Variants in LYPD6B observed in about 807,000 individuals in gnomAD.
The protein encoded by LYPD6B is ly6/PLAUR domain-containing protein 6B.
In LYPD6B, 17 loss-of-function variants were observed where a neutral mutation model predicts 22.8. The ratio of observed to expected loss-of-function variants is 0.75; its 90% CI spans 0.51 to 1.12. The LOEUF (loss-of-function observed/expected upper bound fraction) is 1.12, where lower values mean the gene tolerates loss of function less well. Ranked by LOEUF, LYPD6B falls within the 50% of genes most tolerant of loss-of-function variation. The pLI is 0.00. For synonymous variants in LYPD6B, 106 were observed against 91.6 expected, an observed-to-expected ratio of 1.16 and a Z score of -0.90; for missense variants, 221 against 258.3, an observed-to-expected ratio of 0.86 and a Z score of 0.99.
At chr2:149,040,783 A>G (rs1683043742) in intron 1 of LYPD6B, among the ~76,000 whole-genome samples, 1 of 152,212 alleles carries the variant, frequency 6.6e-6, no homozygotes, top group Non-Finnish European at 1.5e-5. Flanking sequence ...AGACAGCCTG[A>G]GGGCCGTATT....
intron 3 of LYPD6B, chr2:149,200,854 C>G (rs1559074215): frequency 6.6e-6 from 1 of 152,174 alleles, no homozygotes; most frequent in Non-Finnish European, 1.5e-5. Flanking sequence ...AAATCCCTTC[C>G]TTCTGGCAAA....
At chr2:149,209,515 A>C (rs965641941) in intron 5 of LYPD6B, among the ~76,000 whole-genome samples, 2 of 152,184 alleles carry the variant, frequency 1.3e-5, no homozygotes, top group Non-Finnish European at 2.9e-5. Flanking sequence ...ATAAGAGGCC[A>C]AGAAAAAAAA....
intron 2 of LYPD6B, among the ~76,000 whole-genome samples, chr2:149,148,102 A>G (rs1444396661): frequency 2.0e-5 from 3 of 152,176 alleles, no homozygotes; most frequent in Non-Finnish European, 4.4e-5. Context: ...TCTCTATGCA[A>G]TATTCCAGTG....
chr2:149,167,854 C>T lies in LYPD6B; in HGVS notation c.77+7019C>T, dbSNP rs113117942. On this transcript the variant is annotated intron_variant, in intron 3 of 6. Coordinates refer to ENST00000409642, the MANE Select transcript of LYPD6B (RefSeq NM_177964.5). ...CTTTTTATATTTTTCTTTGCAGTGA[C>T]GATGATTGCTTAACAATAATAAACA... 2.6e-3 allele frequency among the ~76,000 whole-genome samples: 390 copies of T among 151,962 alleles called. 3 individuals are homozygous for T. The highest frequency in any genetic ancestry group is 8.9e-3 in the African/African-American group (370 of 41,424).
chr2:149,093,794 T>C (rs1685777989), intron 1 of LYPD6B, among the ~76,000 whole-genome samples: 2 of 152,250 alleles, frequency 1.3e-5, no homozygotes, highest in South Asian at 4.1e-4. Context: ...TATCTTTGAA[T>C]AATCTGATTT....
chr2:149,208,190 T>G (rs545572116), intron 4 of LYPD6B, 124 bp from the exon 5 acceptor site: 3 of 647,046 alleles, frequency 4.6e-6, no homozygotes, highest in East Asian at 5.3e-5. Flanking sequence ...GAAACAGTAA[T>G]TGTAAGGATG....
At chr2:149,187,565 G>A in intron 3 of LYPD6B, 1 of 1,430,286 alleles carries the variant, frequency 7.0e-7, no homozygotes, top group East Asian at 2.7e-5. Flanking sequence ...TGAACAACAT[G>A]AAGCCTGACA....
intron 3 of LYPD6B, among the ~76,000 whole-genome samples, chr2:149,183,204 T>G (rs969491677): frequency 8.5e-5 from 13 of 152,188 alleles, no homozygotes; most frequent in Admixed American, 7.9e-4. Flanking sequence ...GTAAACTTTG[T>G]TGGAAGGGTG....
intron 3 of LYPD6B, among the ~76,000 whole-genome samples, chr2:149,183,489 T>C (rs1455595153): frequency 1.3e-5 from 2 of 152,164 alleles, no homozygotes; most frequent in Non-Finnish European, 2.9e-5. Context: ...CAATCTACAA[T>C]GTGTATAGAT....
intron 1 of LYPD6B, among the ~76,000 whole-genome samples, chr2:149,050,749 G>A (rs1033549747): frequency 6.6e-6 from 1 of 152,112 alleles, no homozygotes; most frequent in Non-Finnish European, 1.5e-5. Flanking sequence ...GGTCAAACAG[G>A]GGACACCTCT....
intron 2 of LYPD6B, among the ~76,000 whole-genome samples, chr2:149,152,408 CCAACA>C (rs1332042972): frequency 2.0e-5 from 3 of 152,140 alleles, no homozygotes; most frequent in African/African-American, 7.2e-5. Context: ...TTTCATGAAG[CCAACA>C]CACAAAACCA....
At chr2:149,158,963 T>C (rs1010224743) in intron 2 of LYPD6B, among the ~76,000 whole-genome samples, 2 of 152,200 alleles carry the variant, frequency 1.3e-5, no homozygotes, top group African/African-American at 4.8e-5. Flanking sequence ...TAATAACATT[T>C]ATGGGAAATA....
intron 1 of LYPD6B, among the ~76,000 whole-genome samples, chr2:149,125,556 T>A (rs1470028280): frequency 1.3e-5 from 2 of 152,122 alleles, no homozygotes; most frequent in Non-Finnish European, 2.9e-5. Flanking sequence ...GAGGAAGTCC[T>A]GGCTTGAGGT....
intron 3 of LYPD6B, chr2:149,188,716 G>T: frequency 1.0e-6 from 1 of 980,272 alleles, no homozygotes; most frequent in Non-Finnish European, 1.2e-6. Context: ...TCAGGAGGTC[G>T]CCTGGCTCCA....
At chr2:149,106,283 A>G (rs1051003093) in intron 1 of LYPD6B, among the ~76,000 whole-genome samples, 5 of 152,092 alleles carry the variant, frequency 3.3e-5, no homozygotes, top group Admixed American at 6.6e-5. Flanking sequence ...TTTTGGTATT[A>G]GAGTAGTGCT....
At chr2:149,086,603 A>G (rs1250419798) in intron 1 of LYPD6B, among the ~76,000 whole-genome samples, 1 of 152,148 alleles carries the variant, frequency 6.6e-6, no homozygotes, top group Non-Finnish European at 1.5e-5. Context: ...TGTCCTAGGG[A>G]AGGTATTGGA....
At chr2:149,113,843 T>G (rs1205720697) in intron 1 of LYPD6B, among the ~76,000 whole-genome samples, 4 of 152,322 alleles carry the variant, frequency 2.6e-5, no homozygotes, top group Admixed American at 2.0e-4. Flanking sequence ...GCATGGTTAC[T>G]TTTCAGGAGA....
chr2:149,185,759 G>A (rs1240531567), intron 3 of LYPD6B, among the ~76,000 whole-genome samples: 2 of 152,186 alleles, frequency 1.3e-5, no homozygotes, highest in East Asian at 1.9e-4. Context: ...TTCCAACAGC[G>A]TGTGCTCACT....
At chr2:149,126,598 T>C (rs1007193630) in intron 1 of LYPD6B, among the ~76,000 whole-genome samples, 2 of 152,088 alleles carry the variant, frequency 1.3e-5, no homozygotes, top group Non-Finnish European at 2.9e-5. Context: ...GAGGGGTGGG[T>C]CTTGCATCTC....
Sources: allele counts gnomAD v4.1 joint callset (sites outside exome capture counted in the v4.1 genomes callset), GRCh38; gene constraint gnomAD v4.1.1; transcripts MANE v1.5; gene names NCBI Gene and HGNC (gene_info 2026-07-23, HGNC 2026-07-21).